The following PTPN3 variants were observed in gnomAD, a reference collection of about 807,000 sequenced individuals.
PTPN3 encodes the protein protein tyrosine phosphatase non-receptor type 3, also known as tyrosine-protein phosphatase non-receptor type 3.
A neutral mutation model predicts 132.7 loss-of-function variants in PTPN3; 96 were observed. The ratio of observed to expected loss-of-function variants is 0.72; its 90% CI spans 0.61 to 0.86. The LOEUF (loss-of-function observed/expected upper bound fraction) is 0.86, where lower values mean the gene tolerates loss of function less well. Among genes scored for constraint, PTPN3 ranks in the 40% least tolerant of loss-of-function variants. PTPN3 has a pLI of 0.00. For missense variants in PTPN3, 1,125 were observed against 1,159.6 expected (o/e 0.97, Z 0.43); for synonymous variants, 398 against 429.0 (o/e 0.93, Z 0.89).
At chr9:109,451,988 G>C (rs1044177277) in intron 5 of PTPN3, among the ~76,000 whole-genome samples, 1 of 152,162 alleles carries the variant, frequency 6.6e-6, no homozygotes, top group African/African-American at 2.4e-5. Context: ...AAGGAAGTAA[G>C]GCCGGGCACA....
the PTPN3 span, among the ~76,000 whole-genome samples, chr9:109,503,353 CGAT>C: frequency 5.9e-3 from 905 of 152,224 alleles, 10 homozygotes; most frequent in African/African-American, 0.021. Context: ...CTCCTGGACT[CGAT>C]GAATCTCACT....
intron 12 of PTPN3, among the ~76,000 whole-genome samples, chr9:109,426,013 C>CAAAAAAAAAAAAA (rs71372567): frequency 2.0e-5 from 1 of 51,182 alleles, no homozygotes. Flanking sequence ...GACTCCATCT[C>CAAAAAAAAAAAAA]AAAAAAAAAA....
At chr9:109,404,394 G>C in intron 19 of PTPN3, 54 bp downstream of exon 19, 1 of 1,260,170 alleles carries the variant, frequency 7.9e-7, no homozygotes, top group South Asian at 2.6e-5. Context: ...CTCAGAGGCA[G>C]GGGCAGCCCA....
At chr9:109,421,349 T>C (rs1842881181) in intron 13 of PTPN3, among the ~76,000 whole-genome samples, 1 of 152,230 alleles carries the variant, frequency 6.6e-6, no homozygotes, top group East Asian at 1.9e-4. Context: ...AGTTCTATTT[T>C]CCCTCACAGT....
intron 1 of PTPN3, 57 bp from the exon 2 acceptor site, chr9:109,463,508 G>A: frequency 6.6e-7 from 1 of 1,506,788 alleles, no homozygotes; most frequent in Non-Finnish European, 9.0e-7. Flanking sequence ...AGTTACTTGT[G>A]AGTGCAGATA....
the PTPN3 span, among the ~76,000 whole-genome samples, chr9:109,534,774 C>G: frequency 6.6e-6 from 1 of 151,984 alleles, no homozygotes; most frequent in South Asian, 2.1e-4. Context: ...TGCACTCCAG[C>G]CCGGAAGACA....
At chr9:109,394,951 A>G (rs1344441197) in intron 19 of PTPN3, among the ~76,000 whole-genome samples, 3 of 151,954 alleles carry the variant, frequency 2.0e-5, no homozygotes, top group African/African-American at 7.3e-5. Context: ...CATCCAGGCT[A>G]ACATGGTGAA....
At chr9:109,534,290 G>C in the PTPN3 span, 7 of 1,536,216 alleles carry the variant, frequency 4.6e-6, no homozygotes, top group Non-Finnish European at 5.2e-6. Context: ...GGCGGCGAGC[G>C]GCAAGCGGCG....
intron 9 of PTPN3, among the ~76,000 whole-genome samples, chr9:109,435,194 T>C (rs1016044718): frequency 1.3e-5 from 2 of 152,206 alleles, no homozygotes; most frequent in Non-Finnish European, 2.9e-5. Flanking sequence ...CCTAATCCTG[T>C]GGTCTTTCAG....
the PTPN3 span, among the ~76,000 whole-genome samples, chr9:109,510,576 A>AATATATAT: frequency 2.3e-4 from 11 of 47,330 alleles, no homozygotes; most frequent in African/African-American, 3.0e-4. Context: ...AAAAAAAAAA[A>AATATATAT]ATATATATAT....
At chr9:109,456,051 G>A (rs895835919) in intron 4 of PTPN3, among the ~76,000 whole-genome samples, 4 of 152,350 alleles carry the variant, frequency 2.6e-5, no homozygotes, top group Admixed American at 1.3e-4. Flanking sequence ...GCTCATGGGA[G>A]GGAAGAACTT....
chr9:109,392,840 C>T (rs1588308722), intron 19 of PTPN3: 1 of 152,138 alleles, frequency 6.6e-6, no homozygotes, highest in African/African-American at 2.4e-5. Flanking sequence ...CTGACCTCAA[C>T]TGATCTGCCC....
intron 10 of PTPN3, among the ~76,000 whole-genome samples, chr9:109,430,831 G>A (rs1334552328): frequency 3.3e-5 from 5 of 152,170 alleles, no homozygotes; most frequent in Non-Finnish European, 7.4e-5. Context: ...CATGCCCATG[G>A]CCAGCTCCAG....
At chr9:109,513,818 G>T in the PTPN3 span, among the ~76,000 whole-genome samples, 1 of 152,136 alleles carries the variant, frequency 6.6e-6, no homozygotes, top group African/African-American at 2.4e-5. Context: ...GCTAGTGGGG[G>T]TGTCTAGCAG....
intron 19 of PTPN3, among the ~76,000 whole-genome samples, chr9:109,401,068 G>C (rs1239243236): frequency 1.1e-4 from 17 of 152,190 alleles, no homozygotes; most frequent in Admixed American, 1.1e-3. Flanking sequence ...TTCTGCAAAT[G>C]ATTTTATTAA....
At chr9:109,427,925 A>C (rs964979896) in intron 11 of PTPN3, among the ~76,000 whole-genome samples, 16 of 152,230 alleles carry the variant, frequency 1.1e-4, no homozygotes, top group Non-Finnish European at 2.1e-4. Flanking sequence ...TTAAAATTCC[A>C]GCTCCCCTGA....
rs1838679246 is a variant in PTPN3, at chr9:109,377,496, C to T, written c.*2060G>A. ...TGGCATGTGCCTATAGTCCCGGCTACTCAGGAGGCTGAGGTGCGAGGATTG... is the reference window on the plus strand; with the variant it reads ...TGGCATGTGCCTATAGTCCCGGCTATTCAGGAGGCTGAGGTGCGAGGATTG... On this transcript the variant is annotated 3_prime_UTR_variant, in exon 26 of 26. Transcript: ENST00000374541. 6.6e-6 allele frequency: 1 copy of T among 152,228 alleles called. No individual in the cohort carries two copies. The highest frequency in any genetic ancestry group is 2.4e-5 in the African/African-American group (1 of 41,006). The allele number at this position is 152,228 out of a possible 1,614,324, so 9.4% of individuals were successfully genotyped here. A position where few individuals can be genotyped will look rare whatever the true frequency, so the allele number is the denominator to read the frequency against.
chr9:109,532,944 GTTTTTTTTT>G, the PTPN3 span: 41 of 312,154 alleles, frequency 1.3e-4, no homozygotes, highest in East Asian at 2.6e-4. Flanking sequence ...TCTTTTCTGG[GTTTTTTTTT>G]TTTTTTTTTT....
intron 19 of PTPN3, among the ~76,000 whole-genome samples, chr9:109,393,669 T>A (rs891838386): frequency 6.6e-6 from 1 of 152,104 alleles, no homozygotes. Context: ...TTTTTGAGTT[T>A]CGATACATAT....
Sources: gnomAD v4.1 joint callset for allele counts (sites outside exome capture counted in the v4.1 genomes callset) on GRCh38, gnomAD v4.1.1 for gene constraint, MANE v1.5 for transcripts, NCBI Gene and HGNC (gene_info 2026-07-23, HGNC 2026-07-21) for gene names.